Variants in TTN observed in about 807,000 individuals in gnomAD.
The protein encoded by TTN is connectin.
In TTN, 1,525 loss-of-function variants were observed where a neutral mutation model predicts 3,223.0. The observed-to-expected ratio is 0.47, with a 90% confidence interval of 0.45 to 0.49. The LOEUF (loss-of-function observed/expected upper bound fraction) is 0.49. TTN is among the 20% of genes least tolerant of loss of function. The pLI, the probability that TTN is intolerant of heterozygous loss-of-function variation, is 0.00. For synonymous variants in TTN, 14,094 were observed against 15,161.0 expected, an observed-to-expected ratio of 0.93 and a Z score of 5.17; for missense variants, 40,786 against 43,424.0, an observed-to-expected ratio of 0.94 and a Z score of 5.40.
chr2:178,747,867 C>T lies in TTN; in HGVS notation c.11311+5257G>A, dbSNP rs1237535633. 1 of 1,612,960 alleles carries T rather than the reference C, an allele frequency of 6.2e-7. No homozygotes were observed. The highest frequency in any genetic ancestry group is 8.5e-7 in the Non-Finnish European group (1 of 1,179,436). On this transcript the variant is annotated intron_variant, in intron 47 of 362. Transcript: ENST00000589042. ...GCATGAATGTTTGTACTTATTTGTT[C>T]ACCTGGATTCTGTTGTTCTTCAGTC...
At chr2:178,736,831 G>T (rs1313836097) in intron 49 of TTN, among the ~76,000 whole-genome samples, 1 of 152,152 alleles carries the variant, frequency 6.6e-6, no homozygotes, top group Non-Finnish European at 1.5e-5. Flanking sequence ...GAAAAGCACT[G>T]GTTGGGTCAT....
At position 178,766,488 on chromosome 2, in the gene TTN, T is replaced by C. The variant is rs2090451326; in HGVS notation, c.9596A>G (p.Glu3199Gly). Residue 3199 changes from glutamate to glycine, a missense_variant, in exon 41 of 363, where the codon GAA becomes GGA. Physicochemically the swap from Glu to Gly is moderately conservative, Grantham distance 98. Transcript: ENST00000589042. Reference protein sequence around the residue: ...QVQERHKYVVERRIHRMFISE... With the variant: ...QVQERHKYVVGRRIHRMFISE... ...GATAAACATTCGGTGGATTCTTCTT[T>C]CCACTACATATTTGTGTCGTTCTTG... is the stretch of plus-strand genomic sequence containing the variant. 1 of 1,614,048 alleles carries C rather than the reference T, an allele frequency of 6.2e-7. No individual in the cohort carries two copies. The highest frequency in any genetic ancestry group is 1.3e-5 in the African/African-American group (1 of 74,948).
intron 356 of TTN, 48 bp from the exon 357 acceptor site, chr2:178,536,623 T>C: frequency 7.1e-7 from 1 of 1,406,108 alleles, no homozygotes; most frequent in Non-Finnish European, 9.4e-7. Flanking sequence ...ACAGGCAGCT[T>C]TATTAAAGCT....
At position 178,584,766 on chromosome 2, in the gene TTN, G is replaced by A. The variant is rs907125933; in HGVS notation, c.64875C>T (p.Ile21625=). 1.2e-6 allele frequency: 2 copies of A among 1,613,464 alleles called. No homozygotes were observed. Among genetic ancestry groups the A allele is most frequent in the Middle Eastern group, 1.7e-4 (1 of 6,058 alleles). Residue 21625 remains isoleucine, a synonymous_variant, in exon 310 of 363, where the codon ATC becomes ATT. Coordinates refer to ENST00000589042, the MANE Select transcript of TTN (RefSeq NM_001267550.2). ...TKTSCRVGKL[I]PGQEYIFRVR... ...CCCGGAAGATGTACTCCTGGCCTGG[G>A]ATCAGCTTTCCAACCCTGCAGGAAG...
intron 112 of TTN, among the ~76,000 whole-genome samples, chr2:178,697,680 C>G (rs1250032667): frequency 1.3e-5 from 2 of 152,118 alleles, no homozygotes; most frequent in Non-Finnish European, 2.9e-5. Context: ...TTGCTGTACT[C>G]TAATCTTAGT....
rs370772361 is a variant in TTN at position 178,617,884 on chromosome 2, C to T, written c.47467G>A (p.Val15823Met). The T allele has an allele frequency of 1.7e-5, 28 of 1,612,596 alleles. No homozygotes were observed. The highest frequency in any genetic ancestry group is 2.3e-5 in the Non-Finnish European group (27 of 1,179,114). ...AAACTGTACTCCTGTCCTTCTACCACATCAGTAACAGTTGCAGACAGGTCT... is the reference window on the plus strand; with the variant it reads ...AAACTGTACTCCTGTCCTTCTACCATATCAGTAACAGTTGCAGACAGGTCT... ...AEDLSATVTDVVEGQEYSFRV... is the reference protein window; with the variant it reads ...AEDLSATVTDMVEGQEYSFRV... The change falls in exon 253 of 363, where the codon GTG (valine) becomes ATG (methionine). Residue 15823 changes from valine to methionine, a missense_variant. Coordinates refer to ENST00000589042, the MANE Select transcript of TTN (RefSeq NM_001267550.2).
chr2:178,560,763 G>A lies in TTN; in HGVS notation c.85369C>T (p.Pro28457Ser). The change falls in exon 326 of 363, where the codon CCA becomes TCA. Residue 28457 changes from proline to serine, a missense_variant. Pro to Ser is a moderately conservative substitution (Grantham distance 74). Coordinates refer to ENST00000589042, the MANE Select transcript of TTN (RefSeq NM_001267550.2). ...GCAGTGAGGCCATTTATTTCAAGTG[G>A]TCCTGCTGGTGGACCAGGCTTATCA... Reference protein sequence around the residue: ...VLDKPGPPAGPLEINGLTAEK... With the variant: ...VLDKPGPPAGSLEINGLTAEK... The A allele has an allele frequency of 6.2e-7, 1 of 1,613,778 alleles. No individual in the cohort carries two copies. Among genetic ancestry groups the A allele is most frequent in the African/African-American group, 1.3e-5 (1 of 75,040 alleles).
At chr2:178,689,027 T>TTTTAA in intron 125 of TTN, 26 bp downstream of exon 125, 3 of 1,131,064 alleles carry the variant, frequency 2.7e-6, no homozygotes, top group African/African-American at 2.1e-5. Flanking sequence ...TTTTTTTTTT[T>TTTTAA]GTCAGAGGAT....
rs755413215 is a variant in TTN, at chr2:178,735,671, C to T, written c.14775G>A (p.Gly4925=). 5.6e-6 allele frequency: 9 copies of T among 1,613,628 alleles called. No individual in the cohort carries two copies. The Admixed American group carries it at 1.3e-4, about 24-fold the overall frequency. ...AATCTTTCCCTGGGGGGAGTTTTTGCCCATCTTTGCTCCACGTAACTGTGA... is the reference window on the plus strand; with the variant it reads ...AATCTTTCCCTGGGGGGAGTTTTTGTCCATCTTTGCTCCACGTAACTGTGA... ...RKVTVTWSKD[G]QKLPPGKDYK... Residue 4925 remains glycine, a synonymous_variant, in exon 50 of 363, where the codon GGG becomes GGA. Coordinates refer to ENST00000589042, the MANE Select transcript of TTN (RefSeq NM_001267550.2).
chr2:178,554,031 T>C lies in TTN; in HGVS notation c.89080A>G (p.Lys29694Glu), dbSNP rs1222832366. 1 of 1,613,826 alleles carries C rather than the reference T, an allele frequency of 6.2e-7. No individual in the cohort carries two copies. Among genetic ancestry groups the C allele is most frequent in the East Asian group, 2.2e-5 (1 of 44,868 alleles). The change falls in exon 333 of 363, where the codon AAA becomes GAA. Residue 29694 changes from lysine (K) to glutamate (E), a missense_variant. Lys to Glu is a moderately conservative substitution (Grantham distance 56). Coordinates refer to ENST00000589042, the MANE Select transcript of TTN (RefSeq NM_001267550.2). ...CTGTTTTCTGTGAGTCCTGTTACTT[T>C]TTGTCTGGTGTCACGGATAGTCTCT... ...LKETIRDTRQ[K>E]VTGLTENSDY... is the part of the protein sequence containing the mutation.
intron 71 of TTN, 188 bp from the exon 72 acceptor site, chr2:178,724,726 TTTC>T: frequency 1.7e-6 from 1 of 574,276 alleles, no homozygotes; most frequent in Non-Finnish European, 2.6e-6. Flanking sequence ...TTTAATATTT[TTTC>T]TTTTCAGTTT....
chr2:178,696,811 C>T (rs2073815203), intron 113 of TTN, among the ~76,000 whole-genome samples: 1 of 152,004 alleles, frequency 6.6e-6, no homozygotes, highest in African/African-American at 2.4e-5. Flanking sequence ...TAAGGGCTCT[C>T]ATTATTTATA....
Position 178,782,216 on chromosome 2 carries a change from A to C in TTN, c.3376T>G (p.Tyr1126Asp). The change falls in exon 20 of 363, where the codon TAC becomes GAC. Residue 1126 changes from tyrosine to aspartate, a missense_variant. By Grantham distance (160) the Tyr-to-Asp change is radical (BLOSUM62 -3). Coordinates refer to ENST00000589042, the MANE Select transcript of TTN (RefSeq NM_001267550.2). ...TATATTCAGCCATCAAAATACCTGT[A>C]TCCAGTGGTTAGAGGAACACCAGAT... ...KKSGVPLTTG[Y>D]RYKVSYNKQT... 1 of 1,614,136 alleles carries C rather than the reference A, an allele frequency of 6.2e-7. No homozygotes were observed. The highest frequency in any genetic ancestry group is 8.5e-7 in the Non-Finnish European group (1 of 1,179,988).
Position 178,741,149 on chromosome 2 carries a change from C to T in TTN, c.12084G>A (p.Val4028=). The part of the protein sequence containing the change: ...GESTCAAELL[V]LLEDTDMTDT... ...CAGTCATGTCTGTGTCTTCCAGAAG[C>T]ACAAGCAGCTCTGCTGCACAGGTGG... Residue 4028 remains valine (V), a synonymous_variant, in exon 48 of 363, where the codon GTG becomes GTA. Transcript: ENST00000589042. 6.2e-7 allele frequency: 1 copy of T among 1,613,584 alleles called. No individual in the cohort carries two copies. Among genetic ancestry groups the T allele is most frequent in the East Asian group, 2.2e-5 (1 of 44,862 alleles).
At chr2:178,679,789 G>T (rs2068920431) in intron 140 of TTN, 105 bp downstream of exon 140, 1 of 1,542,784 alleles carries the variant, frequency 6.5e-7, no homozygotes. Context: ...CTGCTTTAAA[G>T]TAAGCAATCA....
rs1387356102 is a variant in TTN, at chr2:178,751,546, T to C, written c.11311+1578A>G. 6.8e-6 allele frequency: 11 copies of C among 1,613,400 alleles called. No individual in the cohort carries two copies. In the Middle Eastern group the frequency reaches 8.3e-4, roughly 121 times the overall value. ...CCCTTTCAACTAAAGCCTCCACATT[T>C]TCATGTGTCCGTTCTGCTCTTTTCA... On this transcript the variant is annotated intron_variant, in intron 47 of 362. Transcript: ENST00000589042.
Position 178,534,405 on chromosome 2 carries a change from G to A in TTN, c.102210C>T (p.His34070=), listed in dbSNP as rs2154135891. Residue 34070 remains histidine, a synonymous_variant, in exon 358 of 363, where the codon CAC becomes CAT. Coordinates refer to ENST00000589042, the MANE Select transcript of TTN (RefSeq NM_001267550.2). ...SRMTASEALQ[H]PWLKQKIERV... is the part of the protein sequence containing the mutation. Reference sequence around the variant, plus strand: ...TTTCTATCTTCTGCTTCAACCATGGGTGCTGGAGAGCCTCCGATGCTGTCA... The same window carrying A: ...TTTCTATCTTCTGCTTCAACCATGGATGCTGGAGAGCCTCCGATGCTGTCA... 1 of 1,611,112 alleles carries A rather than the reference G, an allele frequency of 6.2e-7. No individual in the cohort carries two copies. Among genetic ancestry groups the A allele is most frequent in the Non-Finnish European group, 8.5e-7 (1 of 1,179,818 alleles).
chr2:178,549,839 C>A lies in TTN; in HGVS notation c.91883G>T (p.Arg30628Ile), dbSNP rs780476250. Residue 30628 changes from arginine to isoleucine, a missense_variant, in exon 338 of 363, where the codon AGA becomes ATA. By Grantham distance (97) the Arg-to-Ile change is moderately conservative. Transcript: ENST00000589042. ...CTTCTCCCCAGTAATATTGGTGAAT[C>A]TTATTGGCCCAACTACTTTTCCTGG... ...DTPGKVVGPI[R>I]FTNITGEKMT... is the part of the protein sequence containing the mutation. The A allele has an allele frequency of 1.3e-6, 2 of 1,583,644 alleles. No individual in the cohort carries two copies. The highest frequency in any genetic ancestry group is 3.6e-5 in the Admixed American group (2 of 55,874).
rs770455270 is a variant in TTN at position 178,568,682 on chromosome 2, A to G, written c.77450T>C (p.Ile25817Thr). Residue 25817 changes from isoleucine to threonine, a missense_variant, in exon 326 of 363, where the codon ATA (isoleucine) becomes ACA (threonine). Ile to Thr is a moderately conservative substitution (Grantham distance 89). Coordinates refer to ENST00000589042, the MANE Select transcript of TTN (RefSeq NM_001267550.2). ...AGGACGTCCAGAAATTGGCACTTCT[A>G]TTTTCAAATCTTGGCCAACCTGTAC... ...YSVQVGQDLK[I>T]EVPISGRPKP... is the part of the protein sequence containing the mutation. 5 of 1,613,142 alleles carry G rather than the reference A, an allele frequency of 3.1e-6. No homozygotes were observed. The highest frequency in any genetic ancestry group is 4.2e-6 in the Non-Finnish European group (5 of 1,179,566).
Sources: gnomAD v4.1 joint callset for allele counts (sites outside exome capture counted in the v4.1 genomes callset) on GRCh38, gnomAD v4.1.1 for gene constraint, MANE v1.5 for transcripts, NCBI Gene and HGNC (gene_info 2026-07-23, HGNC 2026-07-21) for gene names.